The following IGSF10 variants were observed in gnomAD, a reference collection of about 807,000 sequenced individuals.
The protein encoded by IGSF10 is immunoglobulin superfamily member 10.
Under a neutral mutation model 128.2 loss-of-function variants are expected in IGSF10, and 126 were observed. The ratio of observed to expected loss-of-function variants is 0.98; its 90% CI spans 0.85 to 1.14. IGSF10 has a LOEUF of 1.14. IGSF10 is among the 50% of genes most tolerant of loss of function. The probability of loss-of-function intolerance (pLI) is 0.00; values close to 1 mark genes in which losing one functional copy is unlikely to be tolerated. For synonymous variants in IGSF10, 1,185 were observed against 1,146.2 expected (o/e 1.03, Z -0.68); for missense variants, 3,295 against 3,149.8 (o/e 1.05, Z -1.10).
the IGSF10 span, among the ~76,000 whole-genome samples, chr3:151,512,983 AC>A: frequency 6.6e-6 from 1 of 152,306 alleles, no homozygotes; most frequent in Middle Eastern, 3.4e-3. Context: ...TAGCTTACCA[AC>A]CAAAAAAAGT....
upstream of IGSF10, among the ~76,000 whole-genome samples, chr3:151,462,002 ATAC>A (rs10570378): frequency 6.3e-3 from 960 of 152,250 alleles, 13 homozygotes; most frequent in African/African-American, 0.023. Flanking sequence ...CCGGATTTAA[ATAC>A]TACTATTTCT....
Position 151,448,173 on chromosome 3 carries a change from G to A in IGSF10, c.1808C>T (p.Ala603Val). 1.2e-6 allele frequency: 2 copies of A among 1,614,128 alleles called. No individual in the cohort carries two copies. Among genetic ancestry groups the A allele is most frequent in the Non-Finnish European group, 8.5e-7 (1 of 1,179,992 alleles). The change falls in exon 6 of 8, where the codon GCC (alanine) becomes GTC (valine). Residue 603 changes from alanine to valine, a missense_variant. Coordinates refer to ENST00000282466, the MANE Select transcript of IGSF10 (RefSeq NM_178822.5). ...TCCTGGAATAACCCAGCTAATAGAG[G>A]CATCTGGGATACCAGTAGAATGGCA... is the stretch of plus-strand genomic sequence containing the variant. Reference protein sequence around the residue: ...LPCHSTGIPDASISWVIPGNN... With the variant: ...LPCHSTGIPDVSISWVIPGNN...
At chr3:151,582,212 T>A in the IGSF10 span, among the ~76,000 whole-genome samples, 2 of 148,472 alleles carry the variant, frequency 1.3e-5, no homozygotes, top group African/African-American at 5.0e-5. Flanking sequence ...GATATTTTCA[T>A]TGGCTTCCCC....
intron 6 of IGSF10, among the ~76,000 whole-genome samples, chr3:151,444,704 G>C (rs1721079612): frequency 6.6e-6 from 1 of 152,138 alleles, no homozygotes; most frequent in African/African-American, 2.4e-5. Flanking sequence ...CTTTGAATCA[G>C]CTTTTGAGGC....
At chr3:151,613,307 G>A in the IGSF10 span, among the ~76,000 whole-genome samples, 7 of 152,210 alleles carry the variant, frequency 4.6e-5, no homozygotes, top group East Asian at 1.9e-4. Flanking sequence ...TTTCTTCACA[G>A]AATTGGAAAA....
downstream of IGSF10, chr3:151,434,040 T>C (rs1373477559): frequency 6.6e-6 from 1 of 152,592 alleles, no homozygotes; most frequent in Non-Finnish European, 1.5e-5. Flanking sequence ...ATATAATATT[T>C]TTTTAGATTT....
chr3:151,588,556 A>T, the IGSF10 span, among the ~76,000 whole-genome samples: 1 of 152,210 alleles, frequency 6.6e-6, no homozygotes. Context: ...GCATGCAGTT[A>T]TGAGCTCCTA....
At chr3:151,473,924 G>GA in the IGSF10 span, among the ~76,000 whole-genome samples, 2 of 151,834 alleles carry the variant, frequency 1.3e-5, no homozygotes, top group Non-Finnish European at 2.9e-5. Context: ...CACTAGCTTT[G>GA]AAAAAGATAA....
At chr3:151,484,952 G>A in the IGSF10 span, among the ~76,000 whole-genome samples, 2 of 152,128 alleles carry the variant, frequency 1.3e-5, no homozygotes, top group East Asian at 1.9e-4. Flanking sequence ...TGGAGAATGA[G>A]TGTGATGAAT....
the IGSF10 span, among the ~76,000 whole-genome samples, chr3:151,506,343 C>T: frequency 3.9e-5 from 6 of 152,066 alleles, no homozygotes; most frequent in African/African-American, 1.4e-4. Flanking sequence ...CCACCAATTA[C>T]CCTGAACTCC....
the IGSF10 span, among the ~76,000 whole-genome samples, chr3:151,492,700 A>G: frequency 6.6e-6 from 1 of 152,016 alleles, no homozygotes; most frequent in Non-Finnish European, 1.5e-5. Flanking sequence ...CCTGGGTGAC[A>G]GTACAGGCTT....
the IGSF10 span, among the ~76,000 whole-genome samples, chr3:151,550,981 G>A: frequency 4.6e-5 from 7 of 152,100 alleles, no homozygotes. Flanking sequence ...CTCACTCCTT[G>A]TAATGGACTT....
chr3:151,529,679 G>A, the IGSF10 span, among the ~76,000 whole-genome samples: 5 of 152,036 alleles, frequency 3.3e-5, no homozygotes, highest in Non-Finnish European at 5.9e-5. Flanking sequence ...TAAAAAGGAC[G>A]TCCACTCAGA....
the IGSF10 span, among the ~76,000 whole-genome samples, chr3:151,595,780 TAGGGGA>T: frequency 2.7e-5 from 4 of 147,482 alleles, no homozygotes; most frequent in Non-Finnish European, 6.0e-5. Flanking sequence ...AGGTGGTTAC[TAGGGGA>T]AGGAGAAGGA....
chr3:151,587,254 G>C, the IGSF10 span, among the ~76,000 whole-genome samples: 1 of 152,166 alleles, frequency 6.6e-6, no homozygotes. Flanking sequence ...CTGAATCAGA[G>C]TATCACGTCA....
At chr3:151,561,667 A>T in the IGSF10 span, among the ~76,000 whole-genome samples, 1 of 152,174 alleles carries the variant, frequency 6.6e-6, no homozygotes, top group East Asian at 1.9e-4. Flanking sequence ...ATATCCTGAT[A>T]AAGAAAGAAA....
the IGSF10 span, among the ~76,000 whole-genome samples, chr3:151,493,442 T>C: frequency 3.3e-5 from 5 of 152,172 alleles, no homozygotes; most frequent in African/African-American, 4.8e-5. Context: ...AGCAGCCTTG[T>C]ACAGAGGTGC....
chr3:151,607,157 G>C, the IGSF10 span, among the ~76,000 whole-genome samples: 3 of 152,152 alleles, frequency 2.0e-5, no homozygotes, highest in Non-Finnish European at 4.4e-5. Context: ...GTCTGTTCTT[G>C]GGGTGGAATC....
At chr3:151,510,022 C>A in the IGSF10 span, among the ~76,000 whole-genome samples, 1 of 152,244 alleles carries the variant, frequency 6.6e-6, no homozygotes, top group Non-Finnish European at 1.5e-5. Flanking sequence ...GGAGGCCTGC[C>A]TGCCTCTGTA....
Sources: gnomAD v4.1 joint callset for allele counts (sites outside exome capture counted in the v4.1 genomes callset) on GRCh38, gnomAD v4.1.1 for gene constraint, MANE v1.5 for transcripts, NCBI Gene and HGNC (gene_info 2026-07-23, HGNC 2026-07-21) for gene names.